The following ITIH2 variants were observed in gnomAD, a reference collection of about 807,000 sequenced individuals.
The protein encoded by ITIH2 is inter-alpha-trypsin inhibitor heavy chain 2.
In ITIH2, 103 loss-of-function variants were observed where a neutral mutation model predicts 104.4. The observed-to-expected ratio is 0.99, with a 90% CI of 0.84 to 1.16. ITIH2 has a LOEUF of 1.16. ITIH2 is among the 50% of genes most tolerant of loss of function. The probability of loss-of-function intolerance (pLI) is 0.00; values close to 1 mark genes in which losing one functional copy is unlikely to be tolerated. For missense variants in ITIH2, 1,108 were observed against 1,162.4 expected, an observed-to-expected ratio of 0.95 and a Z score of 0.68; for synonymous variants, 436 against 435.4, an observed-to-expected ratio of 1.00 and a Z score of -0.02.
At chr10:7,729,810 A>T in intron 11 of ITIH2, 142 bp from the exon 12 acceptor site, 1 of 535,312 alleles carries the variant, frequency 1.9e-6, no homozygotes, top group Non-Finnish European at 3.3e-6. Flanking sequence ...CTCTAAGAAA[A>T]ACTAGAAATT....
intron 20 of ITIH2, among the ~76,000 whole-genome samples, chr10:7,748,844 C>T (rs1357993896): frequency 6.6e-6 from 1 of 152,110 alleles, no homozygotes; most frequent in Non-Finnish European, 1.5e-5. Context: ...CCATGCCTGG[C>T]TGCTGACTCA....
At chr10:7,722,758 C>G (rs75078296) in intron 8 of ITIH2, among the ~76,000 whole-genome samples, 2 of 152,222 alleles carry the variant, frequency 1.3e-5, no homozygotes, top group Non-Finnish European at 2.9e-5. Flanking sequence ...CCCCTGGGTG[C>G]GCGTTAGATG....
intron 17 of ITIH2, 37 bp from the exon 18 acceptor site, chr10:7,744,045 C>CA: frequency 6.5e-7 from 1 of 1,530,986 alleles, no homozygotes. Flanking sequence ...AAATAAATGG[C>CA]ACAGAAGAGA....
rs780536127 is a variant in ITIH2, at chr10:7,732,493, T to A, written c.1787+16T>A. On this transcript the variant is annotated intron_variant, in intron 14 of 20. Transcript: ENST00000358415. ...TAGCTGAACGGTAAGAAGAGAAGAGTACCCACACCACGAGATCTGCAAAAC... is the reference window on the plus strand; with the variant it reads ...TAGCTGAACGGTAAGAAGAGAAGAGAACCCACACCACGAGATCTGCAAAAC... The A allele has an allele frequency of 4.4e-6, 7 of 1,603,648 alleles. No individual in the cohort carries two copies. The South Asian group carries it at 4.4e-5, about 10-fold the overall frequency.
intron 12 of ITIH2, among the ~76,000 whole-genome samples, chr10:7,730,614 G>A (rs1000921982): frequency 6.6e-6 from 1 of 152,098 alleles, no homozygotes; most frequent in African/African-American, 2.4e-5. Context: ...GAGCCCAGAG[G>A]TTTAAGGCCA....
At chr10:7,711,585 G>C (rs79965275) in intron 4 of ITIH2, among the ~76,000 whole-genome samples, 1,816 of 152,184 alleles carry the variant, frequency 0.012, 48 homozygotes, top group African/African-American at 0.04. Context: ...GTTCTGATTC[G>C]ATAGAAGCAT....
intron 4 of ITIH2, among the ~76,000 whole-genome samples, chr10:7,710,264 A>G (rs1160758287): frequency 6.6e-6 from 1 of 152,240 alleles, no homozygotes; most frequent in Non-Finnish European, 1.5e-5. Context: ...GACATCTCAT[A>G]TTATTCCCTC....
At chr10:7,728,766 G>C (rs1165052429) in intron 11 of ITIH2, among the ~76,000 whole-genome samples, 1 of 152,090 alleles carries the variant, frequency 6.6e-6, no homozygotes, top group Non-Finnish European at 1.5e-5. Flanking sequence ...TGTTGCCTGA[G>C]TGTGCTGTCG....
chr10:7,747,948 G>A (rs1414943095), intron 20 of ITIH2, among the ~76,000 whole-genome samples: 2 of 151,858 alleles, frequency 1.3e-5, no homozygotes, highest in East Asian at 3.9e-4. Context: ...GCTCACGCCT[G>A]TAATCCCAGC....
chr10:7,721,021 G>A (rs755533352), intron 7 of ITIH2, 58 bp downstream of exon 7: 84 of 1,060,838 alleles, frequency 7.9e-5, no homozygotes, highest in Middle Eastern at 2.1e-4. Context: ...TGTGGGTTCT[G>A]TTCTCCTTCT....
At chr10:7,719,782 A>AAAAAAAAAAAAC (rs754890159) in intron 6 of ITIH2, among the ~76,000 whole-genome samples, 5 of 137,090 alleles carry the variant, frequency 3.6e-5, no homozygotes, top group African/African-American at 1.1e-4. Context: ...AAAAAAAAAA[A>AAAAAAAAAAAAC]AGAAAGAAAG....
Position 7,730,027 on chromosome 10 carries a change from G to T in ITIH2, c.1355G>T (p.Gly452Val). 6.2e-7 allele frequency: 1 copy of T among 1,612,986 alleles called. No individual in the cohort carries two copies. The highest frequency in any genetic ancestry group is 8.5e-7 in the Non-Finnish European group (1 of 1,179,120). The change falls in exon 12 of 21, where the codon GGC (glycine) becomes GTC (valine). Residue 452 changes from glycine to valine, a missense_variant. By Grantham distance (109) the Gly-to-Val change is moderately radical (BLOSUM62 -3). Coordinates refer to ENST00000358415, the MANE Select transcript of ITIH2 (RefSeq NM_002216.3). ...GACAATATCTCCTTGTTCAGTTTGGGCATGGGATTTGATGTGGACTATGAT... is the reference window on the plus strand; with the variant it reads ...GACAATATCTCCTTGTTCAGTTTGGTCATGGGATTTGATGTGGACTATGAT... ...IQDNISLFSL[G>V]MGFDVDYDFL...
chr10:7,720,803 A>AAAAGACTTT, intron 6 of ITIH2, 53 bp from the exon 7 acceptor site: 1 of 1,157,212 alleles, frequency 8.6e-7, no homozygotes, highest in East Asian at 2.4e-5. Context: ...TTCTTGCTTA[A>AAAAGACTTT]AAAGACTTTA....
chr10:7,748,585 A>AGGCTGGAG (rs1256952595), intron 20 of ITIH2, among the ~76,000 whole-genome samples: 3 of 111,646 alleles, frequency 2.7e-5, no homozygotes, highest in African/African-American at 1.0e-4. Flanking sequence ...TCTGTCGCCC[A>AGGCTGGAG]GGCTGGAGTG....
intron 8 of ITIH2, among the ~76,000 whole-genome samples, chr10:7,722,031 A>G (rs1834908988): frequency 6.6e-6 from 1 of 152,168 alleles, no homozygotes. Context: ...GAACAAAGGA[A>G]TAATTACAGA....
At chr10:7,731,013 G>A (rs912842436) in intron 12 of ITIH2, among the ~76,000 whole-genome samples, 2 of 152,178 alleles carry the variant, frequency 1.3e-5, no homozygotes, top group Admixed American at 1.3e-4. Flanking sequence ...CCGCCTCCTG[G>A]GTTCAGGCGA....
At position 7,748,886 on chromosome 10, in the gene ITIH2, C is replaced by T. The variant is rs187576406; in HGVS notation, c.2694-301C>T. Reference sequence around the variant, plus strand: ...AAGTGACCTGTGAGGTCAGCCTCAACACTGTGGAGTCTTGTTCCTGCCTTC... The same window carrying T: ...AAGTGACCTGTGAGGTCAGCCTCAATACTGTGGAGTCTTGTTCCTGCCTTC... On this transcript the variant is annotated intron_variant, in intron 20 of 20. Transcript: ENST00000358415. Among the ~76,000 whole-genome samples the T allele has an allele frequency of 4.3e-4, 65 of 152,166 alleles. No homozygotes were observed. The East Asian group carries it at 7.8e-3, about 18-fold the overall frequency.
chr10:7,712,493 G>C (rs1043973444), intron 4 of ITIH2, among the ~76,000 whole-genome samples: 5 of 152,172 alleles, frequency 3.3e-5, no homozygotes, highest in African/African-American at 1.2e-4. Flanking sequence ...TGATGAACCA[G>C]TAATGAGATA....
At position 7,733,043 on chromosome 10, in the gene ITIH2, A is replaced by T. The variant is rs1835019081; in HGVS notation, c.1787+566A>T. On this transcript the variant is annotated intron_variant, in intron 14 of 20. Transcript: ENST00000358415. ...CACCCGGCCAAAATGCATTAATTTT[A>T]AGTGCACCATTCAATGGATTTTTAT... 2.0e-5 allele frequency among the ~76,000 whole-genome samples: 3 copies of T among 152,170 alleles called. No homozygotes were observed. In the South Asian group the frequency reaches 6.2e-4, roughly 32 times the overall value.
Sources: allele counts gnomAD v4.1 joint callset (sites outside exome capture counted in the v4.1 genomes callset), GRCh38; gene constraint gnomAD v4.1.1; transcripts MANE v1.5; gene names NCBI Gene and HGNC (gene_info 2026-07-23, HGNC 2026-07-21).